The following NSMCE4A variants were observed in gnomAD, a reference collection of about 807,000 sequenced individuals.
NSMCE4A encodes the protein NSE4A component of SMC5/6 complex, also known as non-structural maintenance of chromosomes element 4 homolog A.
In NSMCE4A, 40 loss-of-function variants were observed where a neutral mutation model predicts 47.9. The observed-to-expected ratio is 0.83, with a 90% CI of 0.65 to 1.09. The LOEUF is 1.09. Ranked by LOEUF, NSMCE4A falls within the 50% of genes least tolerant of loss-of-function variation. The probability of loss-of-function intolerance (pLI) is 0.00; values close to 1 mark genes in which losing one functional copy is unlikely to be tolerated. For missense variants in NSMCE4A, 500 were observed against 507.0 expected, an observed-to-expected ratio of 0.99 and a Z score of 0.13; for synonymous variants, 166 against 178.5, an observed-to-expected ratio of 0.93 and a Z score of 0.56.
In NSMCE4A at chr10:121,960,262, AC is replaced by A; in HGVS notation, c.988+95del. ...GATACAATATTGTAAAAGTTAATCT[AC>A]ATTGAAAATTCATTTACATTTAGTA... On this transcript the variant is annotated intron_variant, in intron 8 of 10. Transcript: ENST00000369023. This position sits in a 1 kb window ranked among gnomAD's most constrained non-coding sequence, Gnocchi z 4.2. 1 of 803,066 alleles carries A rather than the reference AC, an allele frequency of 1.2e-6. No homozygotes were observed. Among genetic ancestry groups the A allele is most frequent in the Admixed American group, 3.9e-5 (1 of 25,522 alleles). The allele number at this position is 803,066 out of a possible 1,614,324, so 49.7% of individuals were successfully genotyped here.
rs777935610 is a variant in NSMCE4A, at chr10:121,960,465, A to C, written c.940-59T>G. 1.6e-5 allele frequency: 20 copies of C among 1,246,048 alleles called. No individual in the cohort carries two copies. The allele number at this position is 1,246,048 out of a possible 1,614,324, so 77.2% of individuals were successfully genotyped here. On this transcript the variant is annotated intron_variant, in intron 7 of 10. Coordinates refer to ENST00000369023, the MANE Select transcript of NSMCE4A (RefSeq NM_017615.3). The surrounding 1 kb of genome is among the most constrained non-coding windows in gnomAD (Gnocchi z 4.2). ...ACATTTAAGACTCAAACCTATACGC[A>C]CTAGATGGAAAAAATTACTCAGAAA...
In NSMCE4A at chr10:121,961,638, A is replaced by G. The variant is rs145494772; in HGVS notation, c.845-121T>C. ...ATTCCTGCTGCAGGAGTGCAAATCA[A>G]TCCAACCCTTCTGGAGGCCAATTTG... On this transcript the variant is annotated intron_variant, in intron 6 of 10. Transcript: ENST00000369023. The G allele has an allele frequency of 4.8e-4, 282 of 593,340 alleles. 1 individual carries two copies. The African/African-American group carries it at 5.2e-3, about 11-fold the overall frequency. 36.8% of individuals were successfully genotyped at this position (593,340 alleles called of 1,614,324 possible). A position where few individuals can be genotyped will look rare whatever the true frequency, so the allele number is the denominator to read the frequency against.
chr10:121,958,692 C>A (rs1181498866), intron 10 of NSMCE4A, among the ~76,000 whole-genome samples: 2 of 152,056 alleles, frequency 1.3e-5, no homozygotes, highest in African/African-American at 4.8e-5. Flanking sequence ...GGGAGCATCC[C>A]TTGAGCCCAG....
chr10:121,968,354 C>T (rs1952645123), intron 3 of NSMCE4A, among the ~76,000 whole-genome samples: 3 of 152,136 alleles, frequency 2.0e-5, no homozygotes, highest in South Asian at 2.1e-4. Context: ...ACCAATAGTT[C>T]GTGTATTAGT....
At chr10:121,963,431 G>T in intron 5 of NSMCE4A, 103 bp from the exon 6 acceptor site, 1 of 638,926 alleles carries the variant, frequency 1.6e-6, no homozygotes, top group Non-Finnish European at 2.7e-6. Flanking sequence ...TTGCACACCC[G>T]AACTCTTTTT....
chr10:121,972,790 G>A (rs1222270103), intron 2 of NSMCE4A, among the ~76,000 whole-genome samples: 1 of 152,204 alleles, frequency 6.6e-6, no homozygotes, highest in East Asian at 1.9e-4. Flanking sequence ...AGGTTTTGAT[G>A]AGAGTTAGCA....
rs775249946 is a variant in NSMCE4A, at chr10:121,967,799, T to C, written c.509A>G (p.His170Arg). Residue 170 changes from histidine (H) to arginine (R), a missense_variant, in exon 4 of 11, where the codon CAT becomes CGT. Physicochemically the swap from His to Arg is conservative, Grantham distance 29 (BLOSUM62 0). Coordinates refer to ENST00000369023, the MANE Select transcript of NSMCE4A (RefSeq NM_017615.3). ...AGCTTCTAGCGGATTTACACCCATA[T>C]GTGTGAGCTACAAAAATGAAGGAAA... ...MLRYVETLLT[H>R]MGVNPLEAEE... 5.0e-6 allele frequency: 8 copies of C among 1,596,458 alleles called. No homozygotes were observed. In the South Asian group the frequency reaches 5.8e-5, roughly 12 times the overall value.
chr10:121,975,037 C>T lies in NSMCE4A; in HGVS notation c.129G>A (p.Ala43=), dbSNP rs1312646507. The T allele has an allele frequency of 4.1e-6, 6 of 1,477,502 alleles. No homozygotes were observed. Among genetic ancestry groups the T allele is most frequent in the Non-Finnish European group, 5.4e-6 (6 of 1,121,270 alleles). The allele number at this position is 1,477,502 out of a possible 1,614,324, so 91.5% of individuals were successfully genotyped here. Residue 43 remains alanine, a synonymous_variant, in exon 1 of 11, where the codon GCG becomes GCA. Coordinates refer to ENST00000369023, the MANE Select transcript of NSMCE4A (RefSeq NM_017615.3). The stretch of plus-strand genomic sequence containing the variant: ...GCTCTGGGGCCTCTCTGCGCTCCCG[C>T]GCAGAGCCGCGGCGGGACCTGGGCG... ...PLSPRSRRGS[A]RERREAPERP...
intron 5 of NSMCE4A, among the ~76,000 whole-genome samples, chr10:121,964,122 C>A (rs1223189056): frequency 2.2e-5 from 3 of 138,664 alleles, no homozygotes; most frequent in African/African-American, 2.6e-5. Context: ...TAAAAAAAAA[C>A]AGATTTTCTG....
Sources: allele counts gnomAD v4.1 joint callset (sites outside exome capture counted in the v4.1 genomes callset), GRCh38; gene constraint gnomAD v4.1.1; non-coding constraint Gnocchi (gnomAD v3.1); transcripts MANE v1.5; gene names NCBI Gene and HGNC (gene_info 2026-07-23, HGNC 2026-07-21).